Variants in NRXN1 observed in about 807,000 individuals in gnomAD.
NRXN1 encodes neurexin-1.
NRXN1 carries 39 observed loss-of-function variants against 150.9 expected under a neutral mutation model. The observed-to-expected ratio is 0.26, with a 90% CI of 0.20 to 0.34. The LOEUF (loss-of-function observed/expected upper bound fraction) is 0.34, where lower values mean the gene tolerates loss of function less well. NRXN1 is among the 10% of genes least tolerant of loss of function. The pLI is 1.00. For missense variants in NRXN1, 1,815 were observed against 1,949.9 expected, an observed-to-expected ratio of 0.93 and a Z score of 1.30; for synonymous variants, 924 against 757.0, an observed-to-expected ratio of 1.22 and a Z score of -3.62.
At chr2:50,160,940 G>A (rs1476301137) in intron 18 of NRXN1, among the ~76,000 whole-genome samples, 1 of 151,926 alleles carries the variant, frequency 6.6e-6, no homozygotes, top group Non-Finnish European at 1.5e-5. Flanking sequence ...TGAAAAGTTG[G>A]CTTAATATTT....
chr2:50,617,516 A>G (rs1403315742), intron 8 of NRXN1, among the ~76,000 whole-genome samples: 2 of 152,162 alleles, frequency 1.3e-5, no homozygotes, highest in Non-Finnish European at 2.9e-5. Flanking sequence ...ACTCCAGTGC[A>G]TCAGAAGAAG....
At chr2:50,189,239 C>T (rs2061299441) in intron 18 of NRXN1, among the ~76,000 whole-genome samples, 1 of 151,936 alleles carries the variant, frequency 6.6e-6, no homozygotes, top group South Asian at 2.1e-4. Context: ...AGCTGGAAAC[C>T]ATCATTCTCA....
chr2:49,989,657 A>C (rs1484750488), intron 21 of NRXN1, among the ~76,000 whole-genome samples: 3 of 152,166 alleles, frequency 2.0e-5, no homozygotes, highest in Non-Finnish European at 4.4e-5. Context: ...GGGAGGGTTT[A>C]AGAAAACAGG....
intron 18 of NRXN1, among the ~76,000 whole-genome samples, chr2:50,121,814 A>C (rs1703896366): frequency 6.6e-6 from 1 of 152,230 alleles, no homozygotes; most frequent in Admixed American, 6.5e-5. Context: ...ATGTACTTAC[A>C]GCAAATCTAA....
chr2:50,741,558 T>C (rs1188214378), intron 5 of NRXN1, among the ~76,000 whole-genome samples: 1 of 152,206 alleles, frequency 6.6e-6, no homozygotes, highest in East Asian at 1.9e-4. Flanking sequence ...TTTATTATTA[T>C]TACACATTTA....
At chr2:50,194,621 A>C (rs1327373415) in intron 18 of NRXN1, among the ~76,000 whole-genome samples, 58 of 152,150 alleles carry the variant, frequency 3.8e-4, no homozygotes, top group Admixed American at 3.7e-3. Flanking sequence ...TCAAGACTTG[A>C]ATTCCAGTGT....
intron 17 of NRXN1, among the ~76,000 whole-genome samples, chr2:50,314,414 C>T (rs1322557913): frequency 6.6e-6 from 1 of 152,030 alleles, no homozygotes; most frequent in Non-Finnish European, 1.5e-5. Context: ...CTTTCCCTTT[C>T]CTCCTCAGCT....
At chr2:50,133,668 G>C (rs72878172) in intron 18 of NRXN1, among the ~76,000 whole-genome samples, 1 of 152,144 alleles carries the variant, frequency 6.6e-6, no homozygotes, top group Admixed American at 6.5e-5. Context: ...TCTATGCTTG[G>C]CCAGGTAAAG....
At chr2:50,705,767 A>C (rs1694344835) in intron 5 of NRXN1, among the ~76,000 whole-genome samples, 1 of 152,148 alleles carries the variant, frequency 6.6e-6, no homozygotes, top group Non-Finnish European at 1.5e-5. Context: ...CCCCAGAGAC[A>C]CCGCTGATGA....
At chr2:50,872,552 T>C (rs1460882417) in intron 5 of NRXN1, among the ~76,000 whole-genome samples, 1 of 151,858 alleles carries the variant, frequency 6.6e-6, no homozygotes, top group Non-Finnish European at 1.5e-5. Context: ...GGGGCTACCA[T>C]TTTATGCTAA....
intron 17 of NRXN1, among the ~76,000 whole-genome samples, chr2:50,281,047 G>A (rs1043787591): frequency 5.9e-5 from 9 of 151,386 alleles, no homozygotes; most frequent in Non-Finnish European, 1.0e-4. Flanking sequence ...GCTCATGCCT[G>A]TAATCCCAGC....
intron 5 of NRXN1, chr2:50,898,539 CATA>C (rs1348305857): frequency 2.2e-6 from 1 of 445,144 alleles, no homozygotes; most frequent in African/African-American, 2.0e-5. Context: ...AAAAGACATG[CATA>C]TATCCGTAGG....
intron 15 of NRXN1, among the ~76,000 whole-genome samples, chr2:50,491,264 G>A (rs2091236734): frequency 6.6e-6 from 1 of 152,188 alleles, no homozygotes; most frequent in Admixed American, 6.5e-5. Flanking sequence ...GTATAAAATG[G>A]AGGGGATATG....
chr2:50,069,712 C>T (rs1315441275), intron 19 of NRXN1, among the ~76,000 whole-genome samples: 2 of 152,116 alleles, frequency 1.3e-5, no homozygotes, highest in Non-Finnish European at 1.5e-5. Flanking sequence ...TTGTGCTATA[C>T]AGACACACCC....
chr2:50,416,167 T>C (rs111345146), intron 17 of NRXN1, among the ~76,000 whole-genome samples: 8,736 of 152,084 alleles, frequency 0.057, 334 homozygotes, highest in Non-Finnish European at 0.081. Flanking sequence ...ATAAGATCAA[T>C]TGTATTCTGT....
intron 8 of NRXN1, among the ~76,000 whole-genome samples, chr2:50,577,645 T>C (rs549631448): frequency 2.0e-5 from 3 of 151,888 alleles, no homozygotes; most frequent in Non-Finnish European, 2.9e-5. Flanking sequence ...GATCAACAAC[T>C]TGGGACATAT....
chr2:50,665,825 C>T (rs1279108953), intron 5 of NRXN1, among the ~76,000 whole-genome samples: 11 of 151,380 alleles, frequency 7.3e-5, no homozygotes, highest in Admixed American at 6.6e-4. Context: ...AAGGTGAAAA[C>T]CTGCTTTCTA....
At chr2:50,437,098 C>G (rs2085512563) in intron 17 of NRXN1, among the ~76,000 whole-genome samples, 1 of 152,314 alleles carries the variant, frequency 6.6e-6, no homozygotes, top group African/African-American at 2.4e-5. Flanking sequence ...AGCACACCTA[C>G]TTTCAAGCTC....
chr2:50,516,427 A>G (rs1232427538), intron 12 of NRXN1, among the ~76,000 whole-genome samples: 1 of 152,184 alleles, frequency 6.6e-6, no homozygotes, highest in East Asian at 1.9e-4. Context: ...TTCAGGAATG[A>G]GCAGACAAGG....
Sources: allele counts gnomAD v4.1 joint callset (sites outside exome capture counted in the v4.1 genomes callset), GRCh38; gene constraint gnomAD v4.1.1; transcripts MANE v1.5; gene names NCBI Gene and HGNC (gene_info 2026-07-23, HGNC 2026-07-21).